Variants in FMNL2 observed in about 807,000 individuals in gnomAD.
The protein encoded by FMNL2 is formin like 2.
FMNL2 carries 51 observed loss-of-function variants against 130.2 expected under a neutral mutation model. The observed-to-expected ratio is 0.39, with a 90% confidence interval of 0.31 to 0.49. The LOEUF is 0.49. FMNL2 is among the 20% of genes least tolerant of loss of function. FMNL2 has a pLI of 0.85. For synonymous variants in FMNL2, 465 were observed against 467.1 expected (o/e 1.00, Z 0.06); for missense variants, 977 against 1,316.2 (o/e 0.74, Z 3.99).
intron 1 of FMNL2, among the ~76,000 whole-genome samples, chr2:152,367,427 A>T (rs983492418): frequency 6.6e-6 from 1 of 152,206 alleles, no homozygotes; most frequent in African/African-American, 2.4e-5. Flanking sequence ...ATGTGGGATT[A>T]TCACATTTAA....
intron 1 of FMNL2, among the ~76,000 whole-genome samples, chr2:152,469,843 G>A (rs1311736396): frequency 6.6e-6 from 1 of 152,200 alleles, no homozygotes; most frequent in Admixed American, 6.5e-5. Context: ...GTCTGAAGAA[G>A]CATTATGCCG....
At chr2:152,480,800 C>A (rs1198669662) in intron 1 of FMNL2, among the ~76,000 whole-genome samples, 2 of 152,112 alleles carry the variant, frequency 1.3e-5, no homozygotes, top group African/African-American at 4.8e-5. Flanking sequence ...AAACCAGATG[C>A]ATGCAGTAAA....
chr2:152,450,901 G>A (rs1374747040), intron 1 of FMNL2, among the ~76,000 whole-genome samples: 1 of 152,226 alleles, frequency 6.6e-6, no homozygotes, highest in Non-Finnish European at 1.5e-5. Flanking sequence ...ATTACCCATG[G>A]CGGTGGATTT....
intron 7 of FMNL2, among the ~76,000 whole-genome samples, chr2:152,576,016 G>A (rs1385484997): frequency 6.6e-6 from 1 of 152,150 alleles, no homozygotes; most frequent in Non-Finnish European, 1.5e-5. Context: ...GCGTGAACTG[G>A]TAGGGTCATC....
At chr2:152,539,753 C>T (rs1236139478) in intron 2 of FMNL2, among the ~76,000 whole-genome samples, 1 of 152,142 alleles carries the variant, frequency 6.6e-6, no homozygotes. Flanking sequence ...TTCTGAGTCG[C>T]CACAGTCCCA....
chr2:152,647,560 T>C lies in FMNL2; in HGVS notation c.3170-236T>C, dbSNP rs541147690. On this transcript the variant is annotated intron_variant, in intron 25 of 25. Transcript: ENST00000288670. ...TCTGGCCAGTGACAGAAATAATCTA[T>C]GTATTTTTCTCTCAAAGTCCTAGAA... Among the ~76,000 whole-genome samples the C allele has an allele frequency of 2.6e-5, 4 of 152,358 alleles. No homozygotes were observed. In the East Asian group the frequency reaches 7.7e-4, roughly 29 times the overall value.
intron 1 of FMNL2, among the ~76,000 whole-genome samples, chr2:152,346,185 C>A (rs538333801): frequency 1.3e-5 from 2 of 152,064 alleles, no homozygotes; most frequent in South Asian, 4.2e-4. Context: ...CCTCTGTGCC[C>A]GGCTAATTTT....
At chr2:152,438,779 C>T (rs943280373) in intron 1 of FMNL2, among the ~76,000 whole-genome samples, 2 of 152,016 alleles carry the variant, frequency 1.3e-5, no homozygotes, top group African/African-American at 2.4e-5. Context: ...GCAGTCATAG[C>T]GTCAGGGGGC....
intron 1 of FMNL2, among the ~76,000 whole-genome samples, chr2:152,498,148 A>T (rs1243120456): frequency 1.3e-5 from 2 of 152,206 alleles, no homozygotes; most frequent in African/African-American, 4.8e-5. Context: ...TCATACTCAT[A>T]ACCTATCTAC....
rs1684161689 is a variant in FMNL2, at chr2:152,376,191, A to G, written c.117+40471A>G. Among the ~76,000 whole-genome samples the G allele has an allele frequency of 1.3e-5, 2 of 152,116 alleles. 1 individual carries two copies. The highest frequency in any genetic ancestry group is 4.1e-4 in the South Asian group (2 of 4,828). ...ATTACAGGCATGAGCCACTGTGTCC[A>G]GCCACTATAATTGATTTTTAGTAAA... On this transcript the variant is annotated intron_variant, in intron 1 of 25. Transcript: ENST00000288670.
chr2:152,449,146 G>A (rs1688506410), intron 1 of FMNL2, among the ~76,000 whole-genome samples: 1 of 152,146 alleles, frequency 6.6e-6, no homozygotes, highest in African/African-American at 2.4e-5. Context: ...GAAAGGACTA[G>A]ATGATGTCTG....
intron 13 of FMNL2, among the ~76,000 whole-genome samples, 187 bp from the exon 14 acceptor site, chr2:152,618,659 A>C (rs1699076189): frequency 6.6e-6 from 1 of 152,230 alleles, no homozygotes; most frequent in African/African-American, 2.4e-5. Context: ...CAATAGCTAG[A>C]ATATATTACA....
chr2:152,402,957 T>A (rs2105969793), intron 1 of FMNL2, among the ~76,000 whole-genome samples: 1 of 152,156 alleles, frequency 6.6e-6, no homozygotes, highest in East Asian at 1.9e-4. Flanking sequence ...CCAGGCTATT[T>A]TTGGTTGTGA....
chr2:152,352,005 A>G (rs1682516277), intron 1 of FMNL2, among the ~76,000 whole-genome samples: 1 of 152,228 alleles, frequency 6.6e-6, no homozygotes, highest in Non-Finnish European at 1.5e-5. Flanking sequence ...GAGAACCTTT[A>G]AGCATGATTA....
chr2:152,596,265 C>G (rs1580056129), intron 9 of FMNL2, among the ~76,000 whole-genome samples: 1 of 151,866 alleles, frequency 6.6e-6, no homozygotes, highest in East Asian at 1.9e-4. Context: ...GCCCGGCTGT[C>G]TTTTTTTTCT....
intron 1 of FMNL2, among the ~76,000 whole-genome samples, chr2:152,389,590 G>C (rs1376101067): frequency 6.6e-6 from 1 of 152,198 alleles, no homozygotes; most frequent in African/African-American, 2.4e-5. Flanking sequence ...ATTTAGACTA[G>C]AGTTGTTGGG....
chr2:152,538,620 T>A (rs889390913), intron 2 of FMNL2, among the ~76,000 whole-genome samples: 1 of 152,126 alleles, frequency 6.6e-6, no homozygotes, highest in Non-Finnish European at 1.5e-5. Flanking sequence ...TATAAAACTT[T>A]CATGGGAACC....
chr2:152,598,857 G>C (rs1275436932), intron 9 of FMNL2, among the ~76,000 whole-genome samples: 1 of 152,234 alleles, frequency 6.6e-6, no homozygotes, highest in Admixed American at 6.5e-5. Context: ...TGCTCACGTG[G>C]TTATGGAGGT....
At chr2:152,430,057 A>G (rs922216135) in intron 1 of FMNL2, among the ~76,000 whole-genome samples, 1 of 152,210 alleles carries the variant, frequency 6.6e-6, no homozygotes, top group Admixed American at 6.5e-5. Flanking sequence ...TTAAAAACAA[A>G]AAACAAACCA....
Sources: gnomAD v4.1 joint callset for allele counts (sites outside exome capture counted in the v4.1 genomes callset) on GRCh38, gnomAD v4.1.1 for gene constraint, MANE v1.5 for transcripts, NCBI Gene and HGNC (gene_info 2026-07-23, HGNC 2026-07-21) for gene names.